Variants in SHLD1 observed in about 807,000 individuals in gnomAD.
SHLD1 encodes the protein RINN1-REV7-interacting novel NHEJ regulator 3.
SHLD1 carries 3 observed loss-of-function variants against 5.5 expected under a neutral mutation model. That is an observed-to-expected ratio of 0.54 (90% confidence interval 0.25 to 1.40). SHLD1 has a LOEUF of 1.40. Among genes scored for constraint, SHLD1 ranks in the 40% most tolerant of loss-of-function variants. SHLD1 has a pLI of 0.15. For missense variants in SHLD1, 210 were observed against 244.4 expected (o/e 0.86, Z 0.94); for synonymous variants, 92 against 94.3 (o/e 0.98, Z 0.14).
chr20:5,775,643 C>T (rs879469111), intron 2 of SHLD1, among the ~76,000 whole-genome samples: 41 of 152,168 alleles, frequency 2.7e-4, no homozygotes, highest in Admixed American at 7.2e-4. Flanking sequence ...CCATTTTACA[C>T]GGTAGTAGTG....
chr20:5,766,773 T>C (rs78553488), intron 1 of SHLD1, among the ~76,000 whole-genome samples: 4,272 of 152,270 alleles, frequency 0.028, 82 homozygotes, highest in Non-Finnish European at 0.042. Flanking sequence ...TTAATTATAT[T>C]TTTTCTCTTC....
At chr20:5,862,902 C>A in intron 2 of SHLD1, 122 bp from the exon 3 acceptor site, 2 of 833,242 alleles carry the variant, frequency 2.4e-6, no homozygotes, top group South Asian at 1.8e-5. Context: ...TGATATTTCC[C>A]ATTGCCAGTT....
At chr20:5,816,581 G>C (rs959694424) in intron 2 of SHLD1, among the ~76,000 whole-genome samples, 1 of 152,138 alleles carries the variant, frequency 6.6e-6, no homozygotes, top group Non-Finnish European at 1.5e-5. Context: ...GAAAATCTGA[G>C]GACCATAGCG....
chr20:5,826,551 T>G (rs781635768), intron 2 of SHLD1, among the ~76,000 whole-genome samples: 1 of 152,158 alleles, frequency 6.6e-6, no homozygotes, highest in Middle Eastern at 3.2e-3. Flanking sequence ...CACAGATGGC[T>G]TTCCTGTGAG....
intron 1 of SHLD1, among the ~76,000 whole-genome samples, chr20:5,763,503 C>T (rs956014278): frequency 2.0e-5 from 3 of 152,026 alleles, no homozygotes; most frequent in African/African-American, 7.2e-5. Flanking sequence ...ACTGTATGTT[C>T]ATCTTATCTT....
intron 2 of SHLD1, among the ~76,000 whole-genome samples, chr20:5,850,836 G>A (rs956844353): frequency 4.6e-5 from 7 of 152,078 alleles, no homozygotes; most frequent in South Asian, 2.1e-4. Context: ...CTTCTCATCC[G>A]GCTTTACTCT....
At chr20:5,823,758 T>C (rs1278394694) in intron 2 of SHLD1, among the ~76,000 whole-genome samples, 1 of 152,112 alleles carries the variant, frequency 6.6e-6, no homozygotes, top group African/African-American at 2.4e-5. Context: ...AAAAATCTCA[T>C]AATGTTCTAA....
At position 5,813,979 on chromosome 20, in the gene SHLD1, G is replaced by A. The variant is rs1292984938; in HGVS notation, c.178+40936G>A. Among the ~76,000 whole-genome samples, 8 of 137,520 alleles carry A rather than the reference G, an allele frequency of 5.8e-5. No individual in the cohort carries two copies. In the South Asian group the frequency reaches 1.8e-3, roughly 32 times the overall value. The allele number at this position is 137,520 out of a possible 152,430, so 90.2% of individuals were successfully genotyped here. ...TTTTTTTTTTTTTTTTTGAGACAGG[G>A]TCTCACTCTGTCTCCCACGCTGGAG... On this transcript the variant is annotated intron_variant, in intron 2 of 2. Coordinates refer to ENST00000303142, the MANE Select transcript of SHLD1 (RefSeq NM_152504.4).
Position 5,789,949 on chromosome 20 carries a change from G to A in SHLD1, c.178+16906G>A, listed in dbSNP as rs190114164. Among the ~76,000 whole-genome samples the A allele has an allele frequency of 5.0e-3, 760 of 152,318 alleles. 1 individual carries two copies. Among genetic ancestry groups the A allele is most frequent in the Non-Finnish European group, 7.9e-3 (534 of 68,024 alleles). ...ACCAGGAAAGCCCAGCCCCCGGGAA[G>A]GGGAGATTAATAGGAGGCCACTAAG... On this transcript the variant is annotated intron_variant, in intron 2 of 2. Coordinates refer to ENST00000303142, the MANE Select transcript of SHLD1 (RefSeq NM_152504.4).
intron 2 of SHLD1, among the ~76,000 whole-genome samples, chr20:5,828,184 C>T (rs1217327375): frequency 2.6e-5 from 4 of 152,156 alleles, no homozygotes; most frequent in Admixed American, 6.6e-5. Flanking sequence ...TCTGGGGACA[C>T]CCTTTGTGTC....
intron 2 of SHLD1, among the ~76,000 whole-genome samples, chr20:5,785,531 C>T (rs1435282414): frequency 6.6e-6 from 1 of 152,158 alleles, no homozygotes; most frequent in Non-Finnish European, 1.5e-5. Context: ...CACGATGTCT[C>T]ACGCCTGTAA....
At chr20:5,784,640 CG>C (rs1555771518) in intron 2 of SHLD1, among the ~76,000 whole-genome samples, 2 of 151,888 alleles carry the variant, frequency 1.3e-5, no homozygotes, top group Non-Finnish European at 2.9e-5. Flanking sequence ...TTAGTAGAGA[CG>C]GGGTTTCACC....
In SHLD1 at chr20:5,863,190, C is replaced by T. The variant is rs780138237; in HGVS notation, c.345C>T (p.Asn115=). 10 of 1,614,068 alleles carry T rather than the reference C, an allele frequency of 6.2e-6. No individual in the cohort carries two copies. The African/African-American group carries it at 1.2e-4, about 19-fold the overall frequency. The part of the protein sequence containing the change: ...MFGHPQPGSA[N]SLSASVCKCL... ...GTCATCCACAGCCAGGCTCTGCAAA[C>T]TCACTCTCTGCATCTGTCTGCAAGT... The change falls in exon 3 of 3, where the codon AAC becomes AAT. Residue 115 remains asparagine (N), a synonymous_variant. Coordinates refer to ENST00000303142, the MANE Select transcript of SHLD1 (RefSeq NM_152504.4).
chr20:5,812,469 CCTT>C (rs1287473318), intron 2 of SHLD1, among the ~76,000 whole-genome samples: 2 of 152,182 alleles, frequency 1.3e-5, no homozygotes, highest in Non-Finnish European at 2.9e-5. Flanking sequence ...ACTTTAGAGT[CCTT>C]CTTTCCATTT....
intron 2 of SHLD1, among the ~76,000 whole-genome samples, chr20:5,859,518 G>A (rs2088132973): frequency 6.6e-6 from 1 of 152,130 alleles, no homozygotes; most frequent in South Asian, 2.1e-4. Context: ...AACGTAACTG[G>A]GAGGATGCAT....
intron 2 of SHLD1, among the ~76,000 whole-genome samples, chr20:5,777,435 T>A (rs535611330): frequency 1.3e-5 from 2 of 152,218 alleles, no homozygotes; most frequent in East Asian, 3.9e-4. Context: ...CCAAAGGAAA[T>A]GTTTCACTTT....
intron 1 of SHLD1, among the ~76,000 whole-genome samples, chr20:5,756,471 T>C (rs1213684779): frequency 6.6e-6 from 1 of 152,180 alleles, no homozygotes; most frequent in Non-Finnish European, 1.5e-5. Flanking sequence ...TCAGTATACA[T>C]CTTACATGTC....
chr20:5,839,494 T>TAGAG (rs2087830653), intron 2 of SHLD1, among the ~76,000 whole-genome samples: 1 of 97,778 alleles, frequency 1.0e-5, no homozygotes, highest in South Asian at 3.1e-4. Flanking sequence ...GAAAGATAGA[T>TAGAG]AGATAGATAG....
At chr20:5,837,242 A>G (rs970370327) in intron 2 of SHLD1, among the ~76,000 whole-genome samples, 16 of 152,182 alleles carry the variant, frequency 1.1e-4, no homozygotes, top group Non-Finnish European at 2.2e-4. Flanking sequence ...GGTTAGGAGT[A>G]TTGGCCTCCC....
Sources: gnomAD v4.1 joint callset for allele counts (sites outside exome capture counted in the v4.1 genomes callset) on GRCh38, gnomAD v4.1.1 for gene constraint, MANE v1.5 for transcripts, NCBI Gene and HGNC (gene_info 2026-07-23, HGNC 2026-07-21) for gene names.